The following RIMS1 variants were observed in gnomAD, a reference collection of about 807,000 sequenced individuals.
RIMS1 encodes the protein regulating synaptic membrane exocytosis protein 1.
In RIMS1, 83 loss-of-function variants were observed where a neutral mutation model predicts 214.1. That is an observed-to-expected ratio of 0.39 (90% CI 0.32 to 0.47). RIMS1 has a LOEUF of 0.47. Among genes scored for constraint, RIMS1 ranks in the 20% least tolerant of loss-of-function variants. RIMS1 has a pLI of 0.99. For missense variants in RIMS1, 2,050 were observed against 2,161.8 expected, an observed-to-expected ratio of 0.95 and a Z score of 1.03; for synonymous variants, 793 against 786.8, an observed-to-expected ratio of 1.01 and a Z score of -0.13.
intron 4 of RIMS1, among the ~76,000 whole-genome samples, chr6:72,132,418 C>T (rs1385622068): frequency 2.0e-5 from 3 of 152,162 alleles, no homozygotes; most frequent in Non-Finnish European, 4.4e-5. Context: ...ATTCATAAAA[C>T]ATGTATTACT....
At chr6:71,923,376 G>A (rs956685365) in intron 1 of RIMS1, among the ~76,000 whole-genome samples, 4 of 152,130 alleles carry the variant, frequency 2.6e-5, no homozygotes, top group Non-Finnish European at 5.9e-5. Context: ...TATGTAGTGC[G>A]GATTTTCTTC....
chr6:71,959,260 A>T (rs2151226204), intron 1 of RIMS1, among the ~76,000 whole-genome samples: 1 of 152,248 alleles, frequency 6.6e-6, no homozygotes, highest in East Asian at 1.9e-4. Flanking sequence ...GTTACAATTA[A>T]TTGAAAGTAG....
At chr6:72,095,972 A>C (rs2031485311) in intron 2 of RIMS1, among the ~76,000 whole-genome samples, 1 of 152,212 alleles carries the variant, frequency 6.6e-6, no homozygotes, top group East Asian at 1.9e-4. Flanking sequence ...CAAAACCAAG[A>C]CATCCTTCCA....
chr6:71,987,293 G>A (rs907648220), intron 2 of RIMS1, among the ~76,000 whole-genome samples: 20 of 152,150 alleles, frequency 1.3e-4, no homozygotes, highest in African/African-American at 4.6e-4. Flanking sequence ...TCATAGTTCT[G>A]GAGGCTGAAA....
chr6:72,285,955 T>C (rs2154233997), intron 24 of RIMS1, among the ~76,000 whole-genome samples: 1 of 152,264 alleles, frequency 6.6e-6, no homozygotes, highest in African/African-American at 2.4e-5. Flanking sequence ...ACCAGCACTT[T>C]GGGAGGCCAA....
chr6:72,246,842 G>T (rs2070082255), intron 11 of RIMS1, among the ~76,000 whole-genome samples: 1 of 152,144 alleles, frequency 6.6e-6, no homozygotes, highest in South Asian at 2.1e-4. Flanking sequence ...AAATAACAGT[G>T]TTCCTGTTCT....
At chr6:72,008,584 A>G (rs975257541) in intron 2 of RIMS1, among the ~76,000 whole-genome samples, 2 of 152,162 alleles carry the variant, frequency 1.3e-5, no homozygotes, top group Non-Finnish European at 2.9e-5. Flanking sequence ...GACCCATCTC[A>G]CATACAGAGA....
chr6:72,335,469 T>C (rs7749183), intron 29 of RIMS1, among the ~76,000 whole-genome samples: 1 of 151,978 alleles, frequency 6.6e-6, no homozygotes, highest in Non-Finnish European at 1.5e-5. Flanking sequence ...TTACCTAGTC[T>C]CATTGATGGG....
At chr6:72,291,648 C>A (rs1272511276) in intron 25 of RIMS1, among the ~76,000 whole-genome samples, 7 of 152,128 alleles carry the variant, frequency 4.6e-5, no homozygotes, top group Non-Finnish European at 1.0e-4. Context: ...ATAACTTGCC[C>A]AGGTAGAACA....
chr6:72,211,597 G>A (rs1391790775), intron 6 of RIMS1, among the ~76,000 whole-genome samples: 2 of 151,970 alleles, frequency 1.3e-5, no homozygotes, highest in Admixed American at 6.6e-5. Flanking sequence ...TTAATACGCT[G>A]GTGGTGTATG....
intron 29 of RIMS1, among the ~76,000 whole-genome samples, chr6:72,339,052 A>G (rs2096949411): frequency 6.6e-6 from 1 of 151,856 alleles, no homozygotes. Flanking sequence ...TCACAGTATC[A>G]TAGAGCAAAT....
chr6:72,263,992 T>G (rs2079271696), intron 19 of RIMS1: 1 of 660,630 alleles, frequency 1.5e-6, no homozygotes, highest in Non-Finnish European at 1.9e-6. Flanking sequence ...AGACTCTGTC[T>G]CAAAAAAGAA....
intron 1 of RIMS1, among the ~76,000 whole-genome samples, chr6:71,935,205 G>T (rs2150950762): frequency 6.6e-6 from 1 of 152,206 alleles, no homozygotes; most frequent in Non-Finnish European, 1.5e-5. Flanking sequence ...ACTAAGTTAG[G>T]TGTTATATTG....
In RIMS1 at chr6:72,096,304, A is replaced by G. The variant is rs2031651418; in HGVS notation, c.246-645A>G. On this transcript the variant is annotated intron_variant, in intron 2 of 33. Transcript: ENST00000521978. ...CTGCAAGAACTAGGAGCTCAAATAT[A>G]ATGTAAAAGCTAACATTCTGTGTAC... is the stretch of plus-strand genomic sequence containing the variant. 3.9e-5 allele frequency among the ~76,000 whole-genome samples: 6 copies of G among 152,326 alleles called. 1 individual carries two copies. The South Asian group carries it at 1.0e-3, about 26-fold the overall frequency.
At chr6:71,909,460 A>G (rs1484294208) in intron 1 of RIMS1, among the ~76,000 whole-genome samples, 1 of 152,200 alleles carries the variant, frequency 6.6e-6, no homozygotes, top group Non-Finnish European at 1.5e-5. Flanking sequence ...GGGCAAATTG[A>G]CATCCAAATC....
rs565763987 is a variant in RIMS1, at chr6:72,250,349, A to G, written c.2261A>G (p.Lys754Arg). 5 of 1,608,886 alleles carry G rather than the reference A, an allele frequency of 3.1e-6. No homozygotes were observed. The highest frequency in any genetic ancestry group is 4.2e-6 in the Non-Finnish European group (5 of 1,177,858). ...TCCTAGGTGAAGTTGTGGTATGATA[A>G]AGTGGGACACCAGCTGATTGTAAAT... is the stretch of plus-strand genomic sequence containing the variant. ...GQLSVKLWYD[K>R]VGHQLIVNVL... Residue 754 changes from lysine to arginine, a missense_variant, in exon 13 of 34, where the codon AAA (lysine) becomes AGA (arginine). Coordinates refer to ENST00000521978, the MANE Select transcript of RIMS1 (RefSeq NM_014989.7).
rs2098835235 is a variant in RIMS1 at position 72,401,521 on chromosome 6, T to G, written c.*807T>G. ...TGCATTCTAGAAAATTAATTTATGG[T>G]TTCCATTGTTTTGCATGGAAGACTT... On this transcript the variant is annotated 3_prime_UTR_variant, in exon 34 of 34. Transcript: ENST00000521978. 6.6e-6 allele frequency: 1 copy of G among 152,668 alleles called. No individual in the cohort carries two copies. The allele number at this position is 152,668 out of a possible 1,614,324, so 9.5% of individuals were successfully genotyped here. A position where few individuals can be genotyped will look rare whatever the true frequency, so the allele number is the denominator to read the frequency against.
chr6:72,241,520 T>A (rs1468731742), intron 9 of RIMS1, among the ~76,000 whole-genome samples: 1 of 152,156 alleles, frequency 6.6e-6, no homozygotes, highest in Non-Finnish European at 1.5e-5. Flanking sequence ...TTAGCCTGTA[T>A]TTTTTTAATG....
chr6:72,302,815 T>G (rs2094764355), intron 26 of RIMS1, among the ~76,000 whole-genome samples: 1 of 151,496 alleles, frequency 6.6e-6, no homozygotes, highest in African/African-American at 2.4e-5. Context: ...AAAATAATTT[T>G]TACATTAATA....
Sources: allele counts gnomAD v4.1 joint callset (sites outside exome capture counted in the v4.1 genomes callset), GRCh38; gene constraint gnomAD v4.1.1; transcripts MANE v1.5; gene names NCBI Gene and HGNC (gene_info 2026-07-23, HGNC 2026-07-21).